Variants in MALRD1 observed in about 807,000 individuals in gnomAD.
MALRD1 encodes the protein MAM and LDL receptor class A domain containing 1.
Under a neutral mutation model 242.1 loss-of-function variants are expected in MALRD1, and 247 were observed. That is an observed-to-expected ratio of 1.02 (90% CI 0.92 to 1.13). The LOEUF is 1.13. MALRD1 is among the 50% of genes most tolerant of loss of function. The pLI, the probability that MALRD1 is intolerant of heterozygous loss-of-function variation, is 0.00. For synonymous variants in MALRD1, 995 were observed against 866.6 expected, an observed-to-expected ratio of 1.15 and a Z score of -2.60; for missense variants, 2,989 against 2,533.1, an observed-to-expected ratio of 1.18 and a Z score of -3.86.
At position 19,411,773 on chromosome 10, in the gene MALRD1, T is replaced by G. The variant is rs1391929669; in HGVS notation, c.4845+22164T>G. 2.0e-5 allele frequency among the ~76,000 whole-genome samples: 3 copies of G among 152,140 alleles called. No homozygotes were observed. The East Asian group carries it at 5.8e-4, about 29-fold the overall frequency. The stretch of plus-strand genomic sequence containing the variant: ...AGGGACACTAGTATTTTCCTAGAAT[T>G]CTTTAAGCATAGCAGTGATTTGGAG... On this transcript the variant is annotated intron_variant, in intron 28 of 39. Coordinates refer to ENST00000454679, the MANE Select transcript of MALRD1 (RefSeq NM_001142308.3).
At chr10:19,705,011 C>T (rs1833797703) in intron 38 of MALRD1, among the ~76,000 whole-genome samples, 1 of 152,094 alleles carries the variant, frequency 6.6e-6, no homozygotes, top group South Asian at 2.1e-4. Context: ...TGATTAGGAT[C>T]CCAAATCTTG....
intron 10 of MALRD1, among the ~76,000 whole-genome samples, chr10:19,141,078 T>A (rs1016847305): frequency 8.5e-5 from 13 of 152,160 alleles, no homozygotes; most frequent in African/African-American, 3.1e-4. Context: ...CACTTATACA[T>A]CAATAAAGCT....
chr10:19,102,747 T>C (rs570151827), intron 4 of MALRD1, among the ~76,000 whole-genome samples: 24 of 152,284 alleles, frequency 1.6e-4, no homozygotes, highest in Non-Finnish European at 2.9e-4. Flanking sequence ...AATTAGAAAA[T>C]CGGAGACTGG....
intron 32 of MALRD1, among the ~76,000 whole-genome samples, chr10:19,563,036 T>G (rs566257437): frequency 6.6e-5 from 10 of 152,270 alleles, no homozygotes; most frequent in African/African-American, 1.7e-4. Context: ...CAGCTTTTTT[T>G]TGTGTGTGAA....
intron 2 of MALRD1, among the ~76,000 whole-genome samples, chr10:19,086,354 T>A (rs1376136453): frequency 6.6e-6 from 1 of 152,034 alleles, no homozygotes; most frequent in East Asian, 1.9e-4. Context: ...ATCATAGACA[T>A]CATCATCATA....
intron 14 of MALRD1, among the ~76,000 whole-genome samples, chr10:19,183,642 T>C (rs1228162407): frequency 6.6e-6 from 1 of 152,216 alleles, no homozygotes; most frequent in Non-Finnish European, 1.5e-5. Context: ...TTATTAAGTT[T>C]GCTAAAAATT....
At chr10:19,555,008 C>A (rs147444670) in intron 32 of MALRD1, among the ~76,000 whole-genome samples, 18 of 152,234 alleles carry the variant, frequency 1.2e-4, no homozygotes, top group Admixed American at 9.2e-4. Flanking sequence ...TACATTCCTA[C>A]CAACAGTGTA....
At chr10:19,446,251 C>G (rs1834973688) in intron 28 of MALRD1, among the ~76,000 whole-genome samples, 1 of 152,112 alleles carries the variant, frequency 6.6e-6, no homozygotes, top group South Asian at 2.1e-4. Context: ...AGGTGATGCC[C>G]CACCCTGCTT....
intron 5 of MALRD1, among the ~76,000 whole-genome samples, chr10:19,106,865 T>C (rs994834804): frequency 9.2e-5 from 14 of 152,124 alleles, no homozygotes; most frequent in Admixed American, 3.3e-4. Context: ...ATTTAAATGT[T>C]CTATTTAATT....
intron 33 of MALRD1, among the ~76,000 whole-genome samples, chr10:19,594,296 T>A (rs1837962978): frequency 6.6e-6 from 1 of 152,170 alleles, no homozygotes; most frequent in African/African-American, 2.4e-5. Context: ...TAAGAAATAT[T>A]GTACTGATAA....
intron 21 of MALRD1, among the ~76,000 whole-genome samples, chr10:19,323,194 A>C (rs1004100162): frequency 1.4e-4 from 21 of 152,134 alleles, no homozygotes; most frequent in Non-Finnish European, 1.5e-5. Context: ...ATTTGAATGG[A>C]AACCCTTTGA....
chr10:19,218,697 T>C (rs1229173466), intron 18 of MALRD1, among the ~76,000 whole-genome samples: 1 of 152,144 alleles, frequency 6.6e-6, no homozygotes, highest in Non-Finnish European at 1.5e-5. Flanking sequence ...CTTTAAAGTC[T>C]TACAGGTATT....
chr10:19,520,209 G>T (rs1379003825), intron 31 of MALRD1, among the ~76,000 whole-genome samples: 1 of 151,952 alleles, frequency 6.6e-6, no homozygotes, highest in African/African-American at 2.4e-5. Flanking sequence ...TAAAGCAAAA[G>T]CCTGTATTTG....
intron 29 of MALRD1, among the ~76,000 whole-genome samples, chr10:19,453,479 A>G (rs1378933448): frequency 6.6e-6 from 1 of 152,232 alleles, no homozygotes; most frequent in Non-Finnish European, 1.5e-5. Context: ...TAGAAACATT[A>G]AATGTTATAT....
chr10:19,154,753 C>A (rs2256914), intron 11 of MALRD1, among the ~76,000 whole-genome samples: 3 of 152,192 alleles, frequency 2.0e-5, no homozygotes, highest in African/African-American at 4.8e-5. Flanking sequence ...TCATAAGGGC[C>A]TGTTGAATAT....
chr10:19,267,241 A>G (rs1248794248), intron 19 of MALRD1, among the ~76,000 whole-genome samples: 2 of 152,116 alleles, frequency 1.3e-5, no homozygotes, highest in Admixed American at 6.5e-5. Context: ...AGTTATTACA[A>G]TTTAAGTATT....
At chr10:19,621,038 T>A (rs1043171735) in intron 36 of MALRD1, among the ~76,000 whole-genome samples, 5 of 151,418 alleles carry the variant, frequency 3.3e-5, no homozygotes, top group African/African-American at 1.2e-4. Context: ...TCCATTTTAC[T>A]ACAATGACAG....
chr10:19,659,911 G>A (rs1841344393), intron 36 of MALRD1, among the ~76,000 whole-genome samples: 1 of 151,990 alleles, frequency 6.6e-6, no homozygotes. Flanking sequence ...GTAAATAACA[G>A]GTATTGAATT....
chr10:19,530,418 A>ATTT (rs1200557957), intron 31 of MALRD1, among the ~76,000 whole-genome samples: 2 of 83,764 alleles, frequency 2.4e-5, no homozygotes, highest in Admixed American at 1.6e-4. Context: ...TTTATATAAT[A>ATTT]ATAAATATAT....
Sources: allele counts gnomAD v4.1 joint callset (sites outside exome capture counted in the v4.1 genomes callset), GRCh38; gene constraint gnomAD v4.1.1; transcripts MANE v1.5; gene names NCBI Gene and HGNC (gene_info 2026-07-23, HGNC 2026-07-21).